Variants in SRBD1 observed in about 807,000 individuals in gnomAD.
SRBD1 encodes S1 RNA binding domain 1.
A neutral mutation model predicts 115.3 loss-of-function variants in SRBD1; 88 were observed. The observed-to-expected ratio is 0.76, with a 90% CI of 0.64 to 0.91. The LOEUF (loss-of-function observed/expected upper bound fraction) is 0.91. Among genes scored for constraint, SRBD1 ranks in the 40% least tolerant of loss-of-function variants. The pLI, the probability that SRBD1 is intolerant of heterozygous loss-of-function variation, is 0.00. For synonymous variants in SRBD1, 509 were observed against 407.7 expected (o/e 1.25, Z -2.99); for missense variants, 1,385 against 1,177.4 (o/e 1.18, Z -2.58).
rs192572173 is a variant in SRBD1 at position 45,581,828 on chromosome 2, T to C, written c.816-18A>G. On this transcript the variant is annotated intron_variant, in intron 5 of 20. Coordinates refer to ENST00000263736, the MANE Select transcript of SRBD1 (RefSeq NM_018079.5). ...CAACAGCCCTGAAAAGAGAAACTTT[T>C]GTAATATACCAAAACTGTATGTCAA... 2.5e-4 allele frequency: 394 copies of C among 1,578,098 alleles called. 1 individual carries two copies. In the East Asian group the frequency reaches 8.4e-3, roughly 34 times the overall value.
At chr2:45,398,293 G>T (rs1045796646) in intron 19 of SRBD1, among the ~76,000 whole-genome samples, 6 of 151,990 alleles carry the variant, frequency 3.9e-5, no homozygotes, top group African/African-American at 1.5e-4. Flanking sequence ...CAGCTATCTG[G>T]GCATGGGTGG....
intron 19 of SRBD1, among the ~76,000 whole-genome samples, chr2:45,403,491 G>C (rs970542833): frequency 5.3e-5 from 8 of 152,050 alleles, no homozygotes; most frequent in Admixed American, 5.2e-4. Flanking sequence ...TGCCGTATCA[G>C]TATTTGTCAG....
rs745862091 is a variant in SRBD1, at chr2:45,389,507, G to C, written c.2791C>G (p.Leu931Val). 5.6e-6 allele frequency: 9 copies of C among 1,614,096 alleles called. No homozygotes were observed. The highest frequency in any genetic ancestry group is 7.6e-6 in the Non-Finnish European group (9 of 1,179,962). Residue 931 changes from leucine to valine, a missense_variant, in exon 21 of 21, where the codon CTC (leucine) becomes GTC (valine). Leu to Val is a conservative substitution (Grantham distance 32). Coordinates refer to ENST00000263736, the MANE Select transcript of SRBD1 (RefSeq NM_018079.5). ...VLTGKVENAT[L>V]FGIFVDIGVG... The stretch of plus-strand genomic sequence containing the variant: ...CCTATATCCACAAAAATTCCAAAGA[G>C]AGTGGCATTCTCAACTTTGCCTGTA...
At position 45,512,972 on chromosome 2, in the gene SRBD1, C is replaced by A. The variant is rs1671013382; in HGVS notation, c.1875-24641G>T. Among the ~76,000 whole-genome samples, 3 of 152,070 alleles carry A rather than the reference C, an allele frequency of 2.0e-5. No individual in the cohort carries two copies. The South Asian group carries it at 6.2e-4, about 31-fold the overall frequency. Reference sequence around the variant, plus strand: ...TGCTGAGAAGGACCAAGCAAGCACACAATAAACACACAAATTACCCCCAGA... The same window carrying A: ...TGCTGAGAAGGACCAAGCAAGCACAAAATAAACACACAAATTACCCCCAGA... On this transcript the variant is annotated intron_variant, in intron 14 of 20. Coordinates refer to ENST00000263736, the MANE Select transcript of SRBD1 (RefSeq NM_018079.5).
At chr2:45,447,402 T>G (rs140147665) in intron 16 of SRBD1, 1 of 152,084 alleles carries the variant, frequency 6.6e-6, no homozygotes, top group Non-Finnish European at 1.5e-5. Flanking sequence ...GAGTCGAGAT[T>G]GCGCCACTGC....
chr2:45,548,015 C>T (rs1241586472), intron 12 of SRBD1, among the ~76,000 whole-genome samples: 1 of 151,724 alleles, frequency 6.6e-6, no homozygotes, highest in Non-Finnish European at 1.5e-5. Context: ...ATATTTAAGA[C>T]TTATGAGCTT....
At chr2:45,456,482 A>T (rs1669155779) in intron 16 of SRBD1, among the ~76,000 whole-genome samples, 1 of 151,938 alleles carries the variant, frequency 6.6e-6, no homozygotes, top group East Asian at 1.9e-4. Context: ...TTTATTCAGA[A>T]TTGAGGGACA....
intron 16 of SRBD1, among the ~76,000 whole-genome samples, chr2:45,450,173 T>C (rs1243739458): frequency 1.3e-5 from 2 of 152,162 alleles, no homozygotes; most frequent in African/African-American, 4.8e-5. Flanking sequence ...ACAAGAAAAG[T>C]TGGCCATTTG....
intron 14 of SRBD1, among the ~76,000 whole-genome samples, chr2:45,514,074 AAAGT>A (rs930271285): frequency 1.8e-4 from 28 of 152,186 alleles, no homozygotes; most frequent in African/African-American, 6.5e-4. Context: ...CCACGGGGTT[AAAGT>A]AAGAAATAAA....
At chr2:45,580,370 G>T (rs1034003773) in intron 6 of SRBD1, among the ~76,000 whole-genome samples, 1 of 151,780 alleles carries the variant, frequency 6.6e-6, no homozygotes, top group Non-Finnish European at 1.5e-5. Context: ...TTTTGAGATG[G>T]ACTCTCGCTC....
chr2:45,393,403 G>A (rs1667059820), intron 19 of SRBD1, among the ~76,000 whole-genome samples: 1 of 152,166 alleles, frequency 6.6e-6, no homozygotes, highest in African/African-American at 2.4e-5. Context: ...TTGTTGTTGA[G>A]ACAGTCTTGC....
In SRBD1 at chr2:45,413,253, C is replaced by G. The variant is rs147595984; in HGVS notation, c.2374G>C (p.Val792Leu). 1 of 1,613,950 alleles carries G rather than the reference C, an allele frequency of 6.2e-7. No individual in the cohort carries two copies. ...ETSGQIQGVA[V>L]TSSADVEVTN... is the part of the protein sequence containing the mutation. ...ACCTCAACGTCTGCTGAAGATGTCA[C>G]AGCAACTCCTTGAATTTGGCCTGAA... The change falls in exon 19 of 21, where the codon GTG becomes CTG. Residue 792 changes from valine (V) to leucine (L), a missense_variant. Physicochemically the swap from Val to Leu is conservative, Grantham distance 32 (BLOSUM62 1). Transcript: ENST00000263736.
intron 16 of SRBD1, among the ~76,000 whole-genome samples, chr2:45,440,025 T>C (rs1252772138): frequency 6.6e-6 from 1 of 152,162 alleles, no homozygotes; most frequent in African/African-American, 2.4e-5. Context: ...TCCTTTTCTA[T>C]ATAAAGTATT....
At chr2:45,609,312 A>G (rs1422910056) in intron 1 of SRBD1, among the ~76,000 whole-genome samples, 1 of 152,202 alleles carries the variant, frequency 6.6e-6, no homozygotes, top group Non-Finnish European at 1.5e-5. Context: ...CCAGACTATT[A>G]GTAAGTCACA....
intron 9 of SRBD1, among the ~76,000 whole-genome samples, chr2:45,566,002 A>G (rs1381206837): frequency 6.6e-6 from 1 of 152,252 alleles, no homozygotes; most frequent in Non-Finnish European, 1.5e-5. Flanking sequence ...TGATAAGTAC[A>G]TGAATAGATG....
chr2:45,576,418 T>A lies in SRBD1; in HGVS notation c.1073-1695A>T, dbSNP rs573827775. 1.8e-4 allele frequency among the ~76,000 whole-genome samples: 27 copies of A among 152,092 alleles called. 1 individual carries two copies. In the South Asian group the frequency reaches 5.4e-3, roughly 30 times the overall value. On this transcript the variant is annotated intron_variant, in intron 7 of 20. Coordinates refer to ENST00000263736, the MANE Select transcript of SRBD1 (RefSeq NM_018079.5). ...AAAAGTTATACCTAAATTTTCAACT[T>A]TGAAGAGGGAGTCGGGGGGGGTGGG...
At chr2:45,603,390 T>C (rs1265737595) in intron 2 of SRBD1, among the ~76,000 whole-genome samples, 1 of 152,188 alleles carries the variant, frequency 6.6e-6, no homozygotes, top group Non-Finnish European at 1.5e-5. Context: ...TACTACTTCC[T>C]GGCAGCTTCT....
intron 16 of SRBD1, among the ~76,000 whole-genome samples, chr2:45,426,618 C>A (rs559263501): frequency 4.6e-5 from 7 of 152,222 alleles, no homozygotes; most frequent in Non-Finnish European, 7.4e-5. Flanking sequence ...TGGCATCTGG[C>A]GGGTGCCCCT....
chr2:45,414,873 A>ATATAGTGTGTATATAGTATGTACACACAC (rs1667758128), intron 18 of SRBD1, among the ~76,000 whole-genome samples: 2 of 37,592 alleles, frequency 5.3e-5, no homozygotes. Context: ...TGTACACACA[A>ATATAGTGTGTATATAGTATGTACACACAC]TATAGTGTGT....
Sources: gnomAD v4.1 joint callset for allele counts (sites outside exome capture counted in the v4.1 genomes callset) on GRCh38, gnomAD v4.1.1 for gene constraint, MANE v1.5 for transcripts, NCBI Gene and HGNC (gene_info 2026-07-23, HGNC 2026-07-21) for gene names.